Variants in FAT3 observed in about 807,000 individuals in gnomAD.
FAT3 encodes FAT atypical cadherin 3.
FAT3 carries 95 observed loss-of-function variants against 310.2 expected under a neutral mutation model. The observed-to-expected ratio is 0.31, with a 90% confidence interval of 0.26 to 0.36. The LOEUF (loss-of-function observed/expected upper bound fraction) is 0.36, where lower values mean the gene tolerates loss of function less well. Among genes scored for constraint, FAT3 ranks in the 10% least tolerant of loss-of-function variants. FAT3 has a pLI of 1.00. For synonymous variants in FAT3, 2,314 were observed against 2,192.9 expected (o/e 1.06, Z -1.54); for missense variants, 5,408 against 5,715.6 (o/e 0.95, Z 1.74).
intron 2 of FAT3, among the ~76,000 whole-genome samples, chr11:92,477,963 T>G (rs1052975291): frequency 4.6e-5 from 7 of 152,164 alleles, no homozygotes; most frequent in Non-Finnish European, 8.8e-5. Flanking sequence ...GGTGATAGCC[T>G]TCAGTGTAGA....
chr11:92,520,731 GATGAA>G (rs1240039573), intron 2 of FAT3, among the ~76,000 whole-genome samples: 2 of 152,080 alleles, frequency 1.3e-5, no homozygotes, highest in Non-Finnish European at 2.9e-5. Context: ...TTGAGTCTTG[GATGAA>G]ACTCAGTAAT....
chr11:92,241,144 C>A (rs1429990724), intron 1 of FAT3, among the ~76,000 whole-genome samples: 1 of 152,048 alleles, frequency 6.6e-6, no homozygotes, highest in Admixed American at 6.6e-5. Context: ...ACTTGATATT[C>A]GTTGGCCAAA....
At chr11:92,361,422 G>C (rs756365968) in intron 2 of FAT3, among the ~76,000 whole-genome samples, 3 of 151,794 alleles carry the variant, frequency 2.0e-5, no homozygotes, top group Non-Finnish European at 2.9e-5. Flanking sequence ...GTGTTAAGAG[G>C]TGGGGCTTTT....
At chr11:92,741,924 C>T (rs2136028258) in intron 4 of FAT3, among the ~76,000 whole-genome samples, 1 of 152,238 alleles carries the variant, frequency 6.6e-6, no homozygotes, top group East Asian at 1.9e-4. Context: ...AGATCCAACT[C>T]AAAATTAAAA....
intron 1 of FAT3, among the ~76,000 whole-genome samples, chr11:92,272,663 G>A (rs1031709276): frequency 3.3e-5 from 5 of 152,132 alleles, no homozygotes; most frequent in South Asian, 2.1e-4. Context: ...GAGAGGTGCC[G>A]TTTAAGGAGA....
rs1948701093 is a variant in FAT3 at position 92,355,313 on chromosome 11, T to A, written c.3201T>A (p.Ala1067=). The change falls in exon 2 of 28, where the codon GCT becomes GCA. Residue 1067 remains alanine (A), a synonymous_variant. Coordinates refer to ENST00000525166, the MANE Select transcript of FAT3 (RefSeq NM_001367949.2). ...GAACAAGCGTGCTGCAGGTGACTGC[T>A]CGAGATGAAGACTCCGGAAGGGATG... ...RIGTSVLQVT[A]RDEDSGRDGE... is the part of the protein sequence containing the mutation. 1 of 1,613,626 alleles carries A rather than the reference T, an allele frequency of 6.2e-7. No homozygotes were observed. The highest frequency in any genetic ancestry group is 1.7e-5 in the Admixed American group (1 of 59,902).
intron 13 of FAT3, among the ~76,000 whole-genome samples, chr11:92,813,538 C>G (rs1219322444): frequency 6.6e-6 from 1 of 152,218 alleles, no homozygotes; most frequent in Non-Finnish European, 1.5e-5. Flanking sequence ...ACGCCTCCCA[C>G]TTGCTGCCCC....
At chr11:92,725,256 C>G (rs1378102435) in intron 4 of FAT3, among the ~76,000 whole-genome samples, 2 of 152,120 alleles carry the variant, frequency 1.3e-5, no homozygotes, top group Non-Finnish European at 2.9e-5. Flanking sequence ...ATATGGGGGA[C>G]TGAATGCTGA....
chr11:92,779,538 A>G (rs1466691138), intron 7 of FAT3, among the ~76,000 whole-genome samples: 1 of 152,156 alleles, frequency 6.6e-6, no homozygotes, highest in Non-Finnish European at 1.5e-5. Flanking sequence ...ATTAAAAAAA[A>G]CCCAAGTGTT....
chr11:92,490,525 G>C (rs1311221008), intron 2 of FAT3, among the ~76,000 whole-genome samples: 1 of 152,060 alleles, frequency 6.6e-6, no homozygotes. Flanking sequence ...ATGCTGTAAA[G>C]TGGTGGGGTT....
chr11:92,626,584 C>T (rs1426218528), intron 3 of FAT3, among the ~76,000 whole-genome samples: 1 of 151,646 alleles, frequency 6.6e-6, no homozygotes, highest in African/African-American at 2.4e-5. Context: ...TTTCGGGGGG[C>T]ACTTATTGTG....
chr11:92,687,193 G>T (rs570988855), intron 3 of FAT3, among the ~76,000 whole-genome samples: 1 of 152,262 alleles, frequency 6.6e-6, no homozygotes, highest in Non-Finnish European at 1.5e-5. Flanking sequence ...CTGAGTACAA[G>T]CCACTGTGCC....
intron 3 of FAT3, among the ~76,000 whole-genome samples, chr11:92,667,195 A>C (rs772364254): frequency 1.3e-5 from 2 of 152,202 alleles, no homozygotes; most frequent in Non-Finnish European, 2.9e-5. Flanking sequence ...ATTTAGCTAC[A>C]CATGTGCATT....
At chr11:92,744,131 A>G (rs1258886622) in intron 4 of FAT3, among the ~76,000 whole-genome samples, 1 of 152,212 alleles carries the variant, frequency 6.6e-6, no homozygotes, top group Non-Finnish European at 1.5e-5. Context: ...TGTTGGGAGG[A>G]ACAAGGAATT....
In FAT3 at chr11:92,886,875, A is replaced by T. The variant is rs80270591; in HGVS notation, c.12938-125A>T. 1,356 of 729,968 alleles carry T rather than the reference A, an allele frequency of 1.9e-3. 2 individuals carry two copies. The highest frequency in any genetic ancestry group is 2.8e-3 in the Middle Eastern group (8 of 2,854). The allele number at this position is 729,968 out of a possible 1,614,324, so 45.2% of individuals were successfully genotyped here. Reference sequence around the variant, plus strand: ...CAGTCAATTTTCTACTGTGGAGCTAAATTATTTTCTCTAAGCAAATGAAAG... The same window carrying T: ...CAGTCAATTTTCTACTGTGGAGCTATATTATTTTCTCTAAGCAAATGAAAG... On this transcript the variant is annotated intron_variant, in intron 24 of 27. Coordinates refer to ENST00000525166, the MANE Select transcript of FAT3 (RefSeq NM_001367949.2).
Position 92,382,307 on chromosome 11 carries a change from T to TG in FAT3, c.3292+26909dup, listed in dbSNP as rs199712344. 5.2e-3 allele frequency among the ~76,000 whole-genome samples: 790 copies of TG among 152,256 alleles called. 14 individuals are homozygous for TG. Among genetic ancestry groups the TG allele is most frequent in the African/African-American group, 0.018 (744 of 41,556 alleles). ...ATATAAAATTCACAGAAACTCCTAG[T>TG]GGGGGGTCAGCTGGAGTGTCATTTT... is the stretch of plus-strand genomic sequence containing the variant. On this transcript the variant is annotated intron_variant, in intron 2 of 27. Coordinates refer to ENST00000525166, the MANE Select transcript of FAT3 (RefSeq NM_001367949.2).
Position 92,880,849 on chromosome 11 carries a change from C to T in FAT3, c.12246C>T (p.Phe4082=), listed in dbSNP as rs751877950. 6.2e-7 allele frequency: 1 copy of T among 1,613,962 alleles called. No homozygotes were observed. Among genetic ancestry groups the T allele is most frequent in the Non-Finnish European group, 8.5e-7 (1 of 1,179,864 alleles). The change falls in exon 23 of 28, where the codon TTC becomes TTT. Residue 4082 remains phenylalanine (F), a synonymous_variant. Coordinates refer to ENST00000525166, the MANE Select transcript of FAT3 (RefSeq NM_001367949.2). ...GGSCDPIGNT[F]ICNCKAGLTG... is the part of the protein sequence containing the mutation. Reference sequence around the variant, plus strand: ...CCTGCGATCCAATAGGAAACACTTTCATCTGCAATTGTAAAGCTGGGCTCA... The same window carrying T: ...CCTGCGATCCAATAGGAAACACTTTTATCTGCAATTGTAAAGCTGGGCTCA...
rs555731257 is a variant in FAT3 at position 92,383,830 on chromosome 11, G to A, written c.3292+28426G>A. Among the ~76,000 whole-genome samples the A allele has an allele frequency of 3.3e-3, 495 of 152,018 alleles. 3 individuals are homozygous for A. Among genetic ancestry groups the A allele is most frequent in the Non-Finnish European group, 5.6e-3 (378 of 67,984 alleles). Reference sequence around the variant, plus strand: ...CAAACACATTTCATTTTTTTTAAAAGGAAAGAATTAAAAAGAGTGAGAGAG... The same window carrying A: ...CAAACACATTTCATTTTTTTTAAAAAGAAAGAATTAAAAAGAGTGAGAGAG... On this transcript the variant is annotated intron_variant, in intron 2 of 27. Coordinates refer to ENST00000525166, the MANE Select transcript of FAT3 (RefSeq NM_001367949.2).
chr11:92,483,204 G>A (rs1415400697), intron 2 of FAT3, among the ~76,000 whole-genome samples: 4 of 152,144 alleles, frequency 2.6e-5, no homozygotes, highest in Admixed American at 1.3e-4. Context: ...CAGGCCCTGG[G>A]CAATCTGGAA....
Sources: allele counts gnomAD v4.1 joint callset (sites outside exome capture counted in the v4.1 genomes callset), GRCh38; gene constraint gnomAD v4.1.1; transcripts MANE v1.5; gene names NCBI Gene and HGNC (gene_info 2026-07-23, HGNC 2026-07-21).